CNTNAP2: variants seen among roughly 807,000 people sequenced by gnomAD.
CNTNAP2 encodes contactin-associated protein-like 2.
In CNTNAP2, 98 loss-of-function variants were observed where a neutral mutation model predicts 155.2. The observed-to-expected ratio is 0.63, with a 90% CI of 0.54 to 0.75. The LOEUF is 0.75. CNTNAP2 is among the 30% of genes least tolerant of loss of function. CNTNAP2 has a pLI of 0.00. For missense variants in CNTNAP2, 1,727 were observed against 1,688.1 expected, an observed-to-expected ratio of 1.02 and a Z score of -0.40; for synonymous variants, 651 against 631.2, an observed-to-expected ratio of 1.03 and a Z score of -0.47.
chr7:146,936,757 G>T (rs1018026247), intron 3 of CNTNAP2, among the ~76,000 whole-genome samples: 3 of 152,128 alleles, frequency 2.0e-5, no homozygotes, highest in Non-Finnish European at 4.4e-5. Flanking sequence ...TGTGTTCAAA[G>T]AGGGCAAACA....
At chr7:147,250,125 C>T (rs919425329) in intron 8 of CNTNAP2, among the ~76,000 whole-genome samples, 1 of 152,154 alleles carries the variant, frequency 6.6e-6, no homozygotes, top group Non-Finnish European at 1.5e-5. Flanking sequence ...CCTGGTCTTA[C>T]TCTTCACAAG....
intron 13 of CNTNAP2, among the ~76,000 whole-genome samples, chr7:147,896,217 T>C (rs930416873): frequency 6.6e-6 from 1 of 152,124 alleles, no homozygotes; most frequent in African/African-American, 2.4e-5. Context: ...TTAGGTCCCA[T>C]CCTGTTGTGT....
At chr7:148,091,207 G>C (rs1299660036) in intron 15 of CNTNAP2, among the ~76,000 whole-genome samples, 1 of 152,082 alleles carries the variant, frequency 6.6e-6, no homozygotes, top group South Asian at 2.1e-4. Context: ...ATTGCTATGA[G>C]AGTGGATTTT....
At chr7:146,158,887 A>T (rs1798171786) in intron 1 of CNTNAP2, among the ~76,000 whole-genome samples, 1 of 152,206 alleles carries the variant, frequency 6.6e-6, no homozygotes, top group African/African-American at 2.4e-5. Context: ...GGAAATACAG[A>T]GAATGCTACA....
intron 8 of CNTNAP2, among the ~76,000 whole-genome samples, chr7:147,149,858 T>A (rs1801791346): frequency 6.6e-6 from 1 of 152,166 alleles, no homozygotes; most frequent in Admixed American, 6.5e-5. Flanking sequence ...ATGATAGCCA[T>A]GTATATGAAG....
At chr7:148,412,241 G>A (rs1024118211) in intron 23 of CNTNAP2, among the ~76,000 whole-genome samples, 8 of 152,184 alleles carry the variant, frequency 5.3e-5, no homozygotes, top group African/African-American at 1.9e-4. Flanking sequence ...CTCCCGGCCT[G>A]TTGTATCTTT....
intron 1 of CNTNAP2, among the ~76,000 whole-genome samples, chr7:146,644,124 T>A (rs1371149563): frequency 6.6e-6 from 1 of 152,198 alleles, no homozygotes; most frequent in African/African-American, 2.4e-5. Context: ...CAATTCGACT[T>A]CCTCTTTTCC....
In CNTNAP2 at chr7:147,233,303, C is replaced by T. The variant is rs188271746; in HGVS notation, c.1349-66838C>T. Among the ~76,000 whole-genome samples the T allele has an allele frequency of 2.7e-3, 407 of 152,266 alleles. 1 individual carries two copies. The highest frequency in any genetic ancestry group is 9.2e-3 in the African/African-American group (381 of 41,528). ...CACGGCTTGATGGACAGGGTGATCC[C>T]TAGTCACCTGTGCGCAGCTGCTGCT... On this transcript the variant is annotated intron_variant, in intron 8 of 23. Coordinates refer to ENST00000361727, the MANE Select transcript of CNTNAP2 (RefSeq NM_014141.6).
intron 1 of CNTNAP2, among the ~76,000 whole-genome samples, chr7:146,599,419 C>G (rs1438106399): frequency 6.6e-6 from 1 of 151,988 alleles, no homozygotes. Flanking sequence ...TCCCGTATTT[C>G]CTCTCTGATC....
At chr7:147,473,446 C>G (rs1213895977) in intron 10 of CNTNAP2, among the ~76,000 whole-genome samples, 2 of 151,878 alleles carry the variant, frequency 1.3e-5, no homozygotes, top group African/African-American at 4.8e-5. Context: ...AGCGGCAGCA[C>G]CGGGAGAGTT....
intron 10 of CNTNAP2, among the ~76,000 whole-genome samples, chr7:147,476,572 C>T (rs1193955140): frequency 6.6e-6 from 1 of 152,116 alleles, no homozygotes; most frequent in African/African-American, 2.4e-5. Flanking sequence ...TATACTCTCT[C>T]TCCTAGTTCA....
chr7:147,346,940 T>C (rs1795873495), intron 9 of CNTNAP2, among the ~76,000 whole-genome samples: 1 of 152,168 alleles, frequency 6.6e-6, no homozygotes, highest in African/African-American at 2.4e-5. Context: ...GTCACTGTTA[T>C]TCTCCTAAAA....
At chr7:147,626,001 G>A (rs746668567) in intron 12 of CNTNAP2, among the ~76,000 whole-genome samples, 7 of 152,178 alleles carry the variant, frequency 4.6e-5, no homozygotes, top group Non-Finnish European at 8.8e-5. Flanking sequence ...TGCCTTGCAG[G>A]CAGTCCCAGT....
At chr7:147,695,955 T>C (rs991257533) in intron 13 of CNTNAP2, among the ~76,000 whole-genome samples, 3 of 152,224 alleles carry the variant, frequency 2.0e-5, no homozygotes, top group African/African-American at 7.2e-5. Context: ...CAAATTTTCT[T>C]GCTGTGAAAT....
intron 4 of CNTNAP2, among the ~76,000 whole-genome samples, chr7:147,102,282 G>GAAAAA (rs555981471): frequency 2.7e-5 from 3 of 110,618 alleles, no homozygotes; most frequent in Non-Finnish European, 3.7e-5. Context: ...TAGGCAAAAA[G>GAAAAA]AAAAAAAAAA....
At chr7:147,783,803 G>T (rs1432840477) in intron 13 of CNTNAP2, among the ~76,000 whole-genome samples, 2 of 152,140 alleles carry the variant, frequency 1.3e-5, no homozygotes, top group African/African-American at 4.8e-5. Context: ...CAGCAAGAAG[G>T]CTGCTGTCTG....
chr7:147,495,598 G>C (rs932158992), intron 11 of CNTNAP2, among the ~76,000 whole-genome samples: 1 of 152,174 alleles, frequency 6.6e-6, no homozygotes, highest in Non-Finnish European at 1.5e-5. Context: ...GACAGCCATG[G>C]TTATAAATGT....
At chr7:147,108,388 G>T in intron 5 of CNTNAP2, 38 bp downstream of exon 5, 1 of 1,539,604 alleles carries the variant, frequency 6.5e-7, no homozygotes, top group African/African-American at 1.4e-5. Context: ...TTCCGTTATG[G>T]ATGTTCCCAT....
intron 1 of CNTNAP2, among the ~76,000 whole-genome samples, chr7:146,702,263 G>A (rs1453623903): frequency 1.3e-5 from 2 of 151,946 alleles, no homozygotes; most frequent in Non-Finnish European, 2.9e-5. Context: ...CTATTAAACG[G>A]GTATAGAATT....
Sources: allele counts gnomAD v4.1 joint callset (sites outside exome capture counted in the v4.1 genomes callset), GRCh38; gene constraint gnomAD v4.1.1; transcripts MANE v1.5; gene names NCBI Gene and HGNC (gene_info 2026-07-23, HGNC 2026-07-21).